The following PCP4 variants were observed in gnomAD, a reference collection of about 807,000 sequenced individuals.
The protein encoded by PCP4 is calmodulin regulator protein PCP4.
PCP4 carries 8 observed loss-of-function variants against 10.0 expected under a neutral mutation model. The ratio of observed to expected loss-of-function variants is 0.80; its 90% confidence interval spans 0.47 to 1.45. The LOEUF (loss-of-function observed/expected upper bound fraction) is 1.45, where lower values mean the gene tolerates loss of function less well. Ranked by LOEUF, PCP4 falls within the 40% of genes most tolerant of loss-of-function variation. The pLI is 0.00. For missense variants in PCP4, 54 were observed against 74.4 expected (o/e 0.73, Z 1.01); for synonymous variants, 21 against 23.0 (o/e 0.91, Z 0.24).
At chr21:39,884,800 A>AAG (rs3988433) in intron 1 of PCP4, among the ~76,000 whole-genome samples, 2,096 of 148,800 alleles carry the variant, frequency 0.014, 49 homozygotes, top group African/African-American at 0.044. Context: ...CCGTCTTAAA[A>AAG]AGAGAGAGAG....
At chr21:39,902,731 AT>A (rs1202519749) in intron 2 of PCP4, among the ~76,000 whole-genome samples, 2 of 151,912 alleles carry the variant, frequency 1.3e-5, no homozygotes, top group Non-Finnish European at 2.9e-5. Flanking sequence ...TAGGGTTATA[AT>A]TTTTTTTAAT....
Position 39,867,459 on chromosome 21 carries a change from T to C in PCP4, c.-43T>C. ...GAGCAGCGACCCCTGAGCAGTGTTC[T>C]CTGTGCTGAGCGGCGGGACTGAGCT... On this transcript the variant is annotated 5_prime_UTR_variant, in exon 1 of 3. Coordinates refer to ENST00000328619, the MANE Select transcript of PCP4 (RefSeq NM_006198.3). The C allele has an allele frequency of 1.2e-6, 2 of 1,613,396 alleles. No homozygotes were observed. The highest frequency in any genetic ancestry group is 1.7e-4 in the Middle Eastern group (1 of 6,058).
At chr21:39,892,654 T>C (rs2087438431) in intron 1 of PCP4, among the ~76,000 whole-genome samples, 2 of 152,202 alleles carry the variant, frequency 1.3e-5, no homozygotes, top group Non-Finnish European at 2.9e-5. Context: ...GTGAAATAAA[T>C]ACATCATGGA....
Position 39,906,452 on chromosome 21 carries a change from T to C in PCP4, c.61+7925T>C, listed in dbSNP as rs1480911804. Among the ~76,000 whole-genome samples the C allele has an allele frequency of 6.6e-6, 1 of 152,198 alleles. No homozygotes were observed. The highest frequency in any genetic ancestry group is 1.5e-5 in the Non-Finnish European group (1 of 68,030). ...ATAATAGGGACAGCCATGATAGTTT[T>C]CAAAATTAAAACATCAAAGCAACAT... On this transcript the variant is annotated intron_variant, in intron 2 of 2. Transcript: ENST00000328619. The surrounding 1 kb of genome is among the most constrained non-coding windows in gnomAD (Gnocchi z 6.3).
Position 39,929,354 on chromosome 21 carries a change from T to C in PCP4, c.*243T>C, listed in dbSNP as rs574865787. ...ATTTTCATTCCTCCTGCAACTATTT[T>C]CCTTGATGTTGTAATAAAATGAAGT... On this transcript the variant is annotated 3_prime_UTR_variant, in exon 3 of 3. Coordinates refer to ENST00000328619, the MANE Select transcript of PCP4 (RefSeq NM_006198.3). 60 of 335,442 alleles carry C rather than the reference T, an allele frequency of 1.8e-4. No homozygotes were observed. The highest frequency in any genetic ancestry group is 1.2e-3 in the African/African-American group (59 of 47,206). The allele number at this position is 335,442 out of a possible 1,614,324, so 20.8% of individuals were successfully genotyped here.
At chr21:39,885,258 C>T (rs1459701972) in intron 1 of PCP4, among the ~76,000 whole-genome samples, 1 of 152,202 alleles carries the variant, frequency 6.6e-6, no homozygotes, top group Non-Finnish European at 1.5e-5. Context: ...GCCACCTGCT[C>T]CTGCTCCAGG....
Position 39,906,112 on chromosome 21 carries a change from A to G in PCP4, c.61+7585A>G, listed in dbSNP as rs751271083. ...CATGGCCTTGCAGGTGGGTTGGGAGAGGATCTCAGGCAAAGTTGCTGGTGA... is the reference window on the plus strand; with the variant it reads ...CATGGCCTTGCAGGTGGGTTGGGAGGGGATCTCAGGCAAAGTTGCTGGTGA... On this transcript the variant is annotated intron_variant, in intron 2 of 2. Coordinates refer to ENST00000328619, the MANE Select transcript of PCP4 (RefSeq NM_006198.3). The surrounding 1 kb of genome is among the most constrained non-coding windows in gnomAD (Gnocchi z 6.3). 7.2e-5 allele frequency among the ~76,000 whole-genome samples: 11 copies of G among 152,178 alleles called. No individual in the cohort carries two copies. The highest frequency in any genetic ancestry group is 2.6e-4 in the Admixed American group (4 of 15,278).
intron 1 of PCP4, among the ~76,000 whole-genome samples, chr21:39,879,683 A>G (rs2087362944): frequency 6.6e-6 from 1 of 152,214 alleles, no homozygotes. Flanking sequence ...TCAGGCAGAT[A>G]CTGGCAGAAG....
intron 2 of PCP4, among the ~76,000 whole-genome samples, chr21:39,904,778 G>A (rs73215384): frequency 3.0e-4 from 46 of 152,224 alleles, no homozygotes; most frequent in African/African-American, 9.9e-4. Context: ...GGGTGCAGGT[G>A]TCTGGAATCC....
intron 1 of PCP4, among the ~76,000 whole-genome samples, chr21:39,878,347 C>T (rs2087356219): frequency 6.6e-6 from 1 of 152,218 alleles, no homozygotes; most frequent in African/African-American, 2.4e-5. Context: ...TACGATAGCA[C>T]TCTGCGAATC....
chr21:39,872,435 T>G (rs35280784), intron 1 of PCP4, among the ~76,000 whole-genome samples: 25,375 of 152,228 alleles, frequency 0.17, 2,223 homozygotes, highest in Middle Eastern at 0.21. Flanking sequence ...GACGCACAGA[T>G]AATATCAGGA....
intron 1 of PCP4, among the ~76,000 whole-genome samples, chr21:39,896,200 A>G (rs965126954): frequency 8.5e-5 from 13 of 152,262 alleles, no homozygotes; most frequent in African/African-American, 3.1e-4. Flanking sequence ...TAAGGCATTT[A>G]AAGACTGTGG....
chr21:39,922,966 G>A lies in PCP4; in HGVS notation c.62-6018G>A, dbSNP rs80035386. The stretch of plus-strand genomic sequence containing the variant: ...TGATCAATAAGTCGGGTTTCCCCTC[G>A]TCTTCTAGTGGAGTGGGAATTGCTG... On this transcript the variant is annotated intron_variant, in intron 2 of 2. Coordinates refer to ENST00000328619, the MANE Select transcript of PCP4 (RefSeq NM_006198.3). Among the ~76,000 whole-genome samples the A allele has an allele frequency of 7.0e-3, 1,066 of 152,254 alleles. 10 individuals are homozygous for A. Among genetic ancestry groups the A allele is most frequent in the Non-Finnish European group, 0.01 (695 of 68,028 alleles).
intron 1 of PCP4, among the ~76,000 whole-genome samples, chr21:39,878,055 T>C (rs545648723): frequency 2.6e-5 from 4 of 152,200 alleles, no homozygotes; most frequent in Non-Finnish European, 4.4e-5. Context: ...CCCAGCACTA[T>C]ATCATTGAAC....
intron 2 of PCP4, among the ~76,000 whole-genome samples, chr21:39,900,118 T>A (rs1371363075): frequency 6.6e-6 from 1 of 152,126 alleles, no homozygotes; most frequent in African/African-American, 2.4e-5. Context: ...CACTGCAACG[T>A]CTGCCTCCAG....
chr21:39,880,192 C>A lies in PCP4; in HGVS notation c.9+12682C>A, dbSNP rs563706176. Among the ~76,000 whole-genome samples, 490 of 120,142 alleles carry A rather than the reference C, an allele frequency of 4.1e-3. 4 individuals are homozygous for A. The highest frequency in any genetic ancestry group is 0.018 in the African/African-American group (457 of 25,292). 78.8% of individuals were successfully genotyped at this position (120,142 alleles called of 152,430 possible). A position where few individuals can be genotyped will look rare whatever the true frequency, so the allele number is the denominator to read the frequency against. ...TATCTATATCTATATCTATATCTAT[C>A]TATATCTATTCCCTGTCCAAGTGGA... On this transcript the variant is annotated intron_variant, in intron 1 of 2. Coordinates refer to ENST00000328619, the MANE Select transcript of PCP4 (RefSeq NM_006198.3).
intron 2 of PCP4, among the ~76,000 whole-genome samples, chr21:39,915,705 T>C (rs947260963): frequency 2.0e-5 from 3 of 152,216 alleles, no homozygotes; most frequent in Non-Finnish European, 4.4e-5. Context: ...AAAACAGATA[T>C]GAACAGAGGG....
chr21:39,910,968 T>G (rs528786445), intron 2 of PCP4, among the ~76,000 whole-genome samples: 53 of 152,348 alleles, frequency 3.5e-4, no homozygotes, highest in Non-Finnish European at 6.2e-4. Context: ...CTCTTTGGGT[T>G]GCAGCATTGT....
intron 2 of PCP4, among the ~76,000 whole-genome samples, chr21:39,908,494 G>A (rs937953477): frequency 3.3e-5 from 5 of 152,160 alleles, no homozygotes; most frequent in African/African-American, 9.7e-5. Flanking sequence ...GGGCAGGCAC[G>A]GTTCTCCCCT....
Sources: gnomAD v4.1 joint callset for allele counts (sites outside exome capture counted in the v4.1 genomes callset) on GRCh38, gnomAD v4.1.1 for gene constraint, Gnocchi (gnomAD v3.1) non-coding constraint, MANE v1.5 for transcripts, NCBI Gene and HGNC (gene_info 2026-07-23, HGNC 2026-07-21) for gene names.